CREBRF: variants seen among roughly 807,000 people sequenced by gnomAD.
CREBRF encodes the protein CREB3 regulatory factor.
A neutral mutation model predicts 66.1 loss-of-function variants in CREBRF; 5 were observed. The ratio of observed to expected loss-of-function variants is 0.08; its 90% CI spans 0.04 to 0.16. The LOEUF is 0.16. Among genes scored for constraint, CREBRF ranks in the 10% least tolerant of loss-of-function variants. The pLI, the probability that CREBRF is intolerant of heterozygous loss-of-function variation, is 1.00. For missense variants in CREBRF, 531 were observed against 744.9 expected (o/e 0.71, Z 3.34); for synonymous variants, 229 against 264.4 (o/e 0.87, Z 1.30).
chr5:173,064,414 T>C (rs1161138881), intron 1 of CREBRF, among the ~76,000 whole-genome samples: 1 of 152,082 alleles, frequency 6.6e-6, no homozygotes, highest in Non-Finnish European at 1.5e-5. Flanking sequence ...AGACAGGTCT[T>C]GCTCTGTCAC....
At chr5:173,086,986 G>T (rs185411506) in intron 3 of CREBRF, among the ~76,000 whole-genome samples, 17 of 141,776 alleles carry the variant, frequency 1.2e-4, no homozygotes, top group African/African-American at 4.5e-4. Flanking sequence ...TGGCTCTGTT[G>T]CCCAGGCTGG....
intron 2 of CREBRF, 115 bp downstream of exon 2, chr5:173,080,899 T>C: frequency 2.1e-6 from 2 of 946,406 alleles, no homozygotes; most frequent in African/African-American, 1.7e-5. Context: ...TTGTGATATC[T>C]CATTTCTGAT....
At chr5:173,069,371 A>G (rs925114735) in intron 1 of CREBRF, among the ~76,000 whole-genome samples, 6 of 151,602 alleles carry the variant, frequency 4.0e-5, no homozygotes, top group African/African-American at 1.5e-4. Flanking sequence ...ACAGAGTCTC[A>G]CTCAGTTACC....
intron 5 of CREBRF, 34 bp from the exon 6 acceptor site, chr5:173,110,488 G>A (rs763218583): frequency 2.7e-6 from 4 of 1,492,916 alleles, no homozygotes; most frequent in African/African-American, 1.4e-5. Flanking sequence ...TAATTAAAGT[G>A]ATCTGACTTA....
chr5:173,077,104 C>G (rs1451814257), intron 1 of CREBRF, among the ~76,000 whole-genome samples: 1 of 150,828 alleles, frequency 6.6e-6, no homozygotes, highest in Non-Finnish European at 1.5e-5. Context: ...CCACCATGTC[C>G]AGCTAATTTT....
chr5:173,071,806 A>G (rs1757606560), intron 1 of CREBRF, among the ~76,000 whole-genome samples: 3 of 151,358 alleles, frequency 2.0e-5, no homozygotes, highest in African/African-American at 7.3e-5. Flanking sequence ...CTGTAATTCC[A>G]GCACTTTGGG....
At chr5:173,067,988 A>G (rs1023506947) in intron 1 of CREBRF, 6 of 316,934 alleles carry the variant, frequency 1.9e-5, no homozygotes, top group East Asian at 9.8e-5. Context: ...CGACAGAGCG[A>G]GACTCCACCT....
chr5:173,073,875 G>A (rs1174861373), intron 1 of CREBRF, among the ~76,000 whole-genome samples: 2 of 152,208 alleles, frequency 1.3e-5, no homozygotes, highest in African/African-American at 4.8e-5. Context: ...GCTGAGGCAG[G>A]AGAATTGCTT....
At chr5:173,092,549 C>T (rs981307910) in intron 4 of CREBRF, among the ~76,000 whole-genome samples, 24 of 152,066 alleles carry the variant, frequency 1.6e-4, no homozygotes, top group African/African-American at 5.5e-4. Context: ...TTATCTTCTT[C>T]AAAAATATTG....
At chr5:173,060,767 G>C (rs1284684217) in intron 1 of CREBRF, among the ~76,000 whole-genome samples, 1 of 151,350 alleles carries the variant, frequency 6.6e-6, no homozygotes, top group East Asian at 1.9e-4. Flanking sequence ...TAATATTTAG[G>C]CTTTTTCAGC....
chr5:173,073,202 G>T (rs1180138030), intron 1 of CREBRF, among the ~76,000 whole-genome samples: 1 of 152,156 alleles, frequency 6.6e-6, no homozygotes, highest in Non-Finnish European at 1.5e-5. Flanking sequence ...GTAACAATAG[G>T]TTTGCTTGGA....
At chr5:173,104,673 C>T (rs188134097) in intron 4 of CREBRF, among the ~76,000 whole-genome samples, 1 of 151,894 alleles carries the variant, frequency 6.6e-6, no homozygotes, top group Non-Finnish European at 1.5e-5. Flanking sequence ...GAGCAAGTCA[C>T]AGTCCCAAGA....
In CREBRF at chr5:173,072,388, GC is replaced by G. The variant is rs1156238295; in HGVS notation, c.-191-8195del. ...CCTCCCGGGTTCATGCCATTCTCCT[GC>G]CTCAGCCTCCTGAGTAGCTGTGACT... On this transcript the variant is annotated intron_variant, in intron 1 of 8. Transcript: ENST00000296953. Among the ~76,000 whole-genome samples the G allele has an allele frequency of 4.0e-5, 6 of 151,894 alleles. No homozygotes were observed. In the East Asian group the frequency reaches 7.7e-4, roughly 20 times the overall value.
chr5:173,079,506 C>G (rs984922680), intron 1 of CREBRF, among the ~76,000 whole-genome samples: 1 of 151,218 alleles, frequency 6.6e-6, no homozygotes, highest in Non-Finnish European at 1.5e-5. Flanking sequence ...CAATGTACCA[C>G]TGTAACCCTC....
chr5:173,118,957 C>T (rs1194405898), intron 7 of CREBRF, among the ~76,000 whole-genome samples: 6 of 151,804 alleles, frequency 4.0e-5, no homozygotes, highest in South Asian at 4.2e-4. Context: ...AACTCCTGGG[C>T]TCAAGCGATC....
chr5:173,065,482 GT>G (rs958051323), intron 1 of CREBRF, among the ~76,000 whole-genome samples: 13 of 152,090 alleles, frequency 8.5e-5, no homozygotes, highest in African/African-American at 3.1e-4. Context: ...TGGTTGATTG[GT>G]TTTTTCCCCT....
At chr5:173,064,443 GC>G (rs1405905716) in intron 1 of CREBRF, among the ~76,000 whole-genome samples, 1 of 152,096 alleles carries the variant, frequency 6.6e-6, no homozygotes, top group African/African-American at 2.4e-5. Context: ...AAGTGCAGGG[GC>G]ACGATCACGG....
intron 7 of CREBRF, among the ~76,000 whole-genome samples, chr5:173,115,187 AC>A (rs1561813638): frequency 6.7e-6 from 1 of 149,704 alleles, no homozygotes; most frequent in African/African-American, 2.5e-5. Flanking sequence ...GCTCACCGCA[AC>A]CTCTGCCTCC....
intron 3 of CREBRF, among the ~76,000 whole-genome samples, chr5:173,086,896 C>G (rs1282721657): frequency 6.6e-6 from 1 of 151,856 alleles, no homozygotes; most frequent in Non-Finnish European, 1.5e-5. Flanking sequence ...TCTGCCTCAG[C>G]CTCCCAAGTA....
Sources: allele counts gnomAD v4.1 joint callset (sites outside exome capture counted in the v4.1 genomes callset), GRCh38; gene constraint gnomAD v4.1.1; transcripts MANE v1.5; gene names NCBI Gene and HGNC (gene_info 2026-07-23, HGNC 2026-07-21).